Variants in SLC9A2 observed in about 807,000 individuals in gnomAD.
SLC9A2 encodes sodium/hydrogen exchanger 2.
SLC9A2 carries 42 observed loss-of-function variants against 71.7 expected under a neutral mutation model. The ratio of observed to expected loss-of-function variants is 0.59; its 90% CI spans 0.46 to 0.76. SLC9A2 has a LOEUF of 0.76. SLC9A2 is among the 30% of genes least tolerant of loss of function. The pLI is 0.00. For synonymous variants in SLC9A2, 396 were observed against 392.5 expected, an observed-to-expected ratio of 1.01 and a Z score of -0.10; for missense variants, 829 against 1,017.4, an observed-to-expected ratio of 0.81 and a Z score of 2.52.
chr2:102,678,459 A>G (rs774078623), intron 3 of SLC9A2, among the ~76,000 whole-genome samples: 4 of 152,210 alleles, frequency 2.6e-5, no homozygotes, highest in African/African-American at 4.8e-5. Context: ...GAAGCTTTAG[A>G]ATTAAGAAAC....
intron 3 of SLC9A2, among the ~76,000 whole-genome samples, chr2:102,675,675 C>T (rs1001860413): frequency 3.9e-5 from 6 of 152,052 alleles, no homozygotes; most frequent in African/African-American, 1.4e-4. Flanking sequence ...GGCAAGAGAA[C>T]ACAGAGACCT....
intron 5 of SLC9A2, among the ~76,000 whole-genome samples, chr2:102,688,468 G>A (rs546587386): frequency 1.4e-4 from 22 of 152,312 alleles, no homozygotes; most frequent in South Asian, 1.2e-3. Flanking sequence ...AGTGGCTCAC[G>A]CCTGTAATTC....
In SLC9A2 at chr2:102,708,714, C is replaced by G. The variant is rs1035260621; in HGVS notation, c.*225C>G. The G allele has an allele frequency of 2.1e-6, 1 of 479,898 alleles. No individual in the cohort carries two copies. Among genetic ancestry groups the G allele is most frequent in the Non-Finnish European group, 3.6e-6 (1 of 276,182 alleles). 29.7% of individuals were successfully genotyped at this position (479,898 alleles called of 1,614,324 possible). On this transcript the variant is annotated 3_prime_UTR_variant, in exon 12 of 12. Transcript: ENST00000233969. ...CCTTTTGTGACTAATGGGTAGCAATCGTATTATTTGCTGGCCTGAAGAGAA... is the reference window on the plus strand; with the variant it reads ...CCTTTTGTGACTAATGGGTAGCAATGGTATTATTTGCTGGCCTGAAGAGAA...
At chr2:102,682,973 G>A (rs917594681) in intron 3 of SLC9A2, among the ~76,000 whole-genome samples, 1 of 152,174 alleles carries the variant, frequency 6.6e-6, no homozygotes. Flanking sequence ...GAGAGCTGAT[G>A]GTGTCGACGT....
chr2:102,639,082 G>A (rs1676524074), intron 1 of SLC9A2, among the ~76,000 whole-genome samples: 1 of 152,216 alleles, frequency 6.6e-6, no homozygotes, highest in African/African-American at 2.4e-5. Context: ...TACTCAGGAG[G>A]CTGAGGTGAG....
intron 1 of SLC9A2, among the ~76,000 whole-genome samples, chr2:102,630,918 T>C (rs1676343397): frequency 2.0e-5 from 3 of 152,214 alleles, no homozygotes; most frequent in Middle Eastern, 3.4e-3. Flanking sequence ...CTAATTCTTA[T>C]ATTTATCCAT....
At chr2:102,673,126 CAACTTGTCACCTGTGTCTT>C (rs1320202110) in intron 3 of SLC9A2, among the ~76,000 whole-genome samples, 1 of 152,102 alleles carries the variant, frequency 6.6e-6, no homozygotes, top group Non-Finnish European at 1.5e-5. Context: ...AGTCTTCCCT[CAACTTGTCACCTGTGTCTT>C]AGTGTCTTCT....
At chr2:102,693,256 C>A (rs951014150) in intron 5 of SLC9A2, among the ~76,000 whole-genome samples, 4 of 152,088 alleles carry the variant, frequency 2.6e-5, no homozygotes, top group Non-Finnish European at 5.9e-5. Flanking sequence ...AAAACTCAAT[C>A]ATCCAGGAGC....
intron 1 of SLC9A2, among the ~76,000 whole-genome samples, chr2:102,650,645 C>T (rs1435017339): frequency 2.6e-5 from 4 of 152,106 alleles, no homozygotes; most frequent in African/African-American, 9.7e-5. Flanking sequence ...TTTCTGATAA[C>T]ACTGGTTAAA....
intron 3 of SLC9A2, among the ~76,000 whole-genome samples, chr2:102,680,409 T>C (rs1677431048): frequency 1.3e-5 from 2 of 152,108 alleles, no homozygotes; most frequent in South Asian, 4.1e-4. Flanking sequence ...GATTTATATC[T>C]GGGGGAGTGC....
intron 3 of SLC9A2, among the ~76,000 whole-genome samples, chr2:102,670,849 C>CTTTTTTT (rs10687841): frequency 3.6e-4 from 27 of 75,882 alleles, no homozygotes; most frequent in East Asian, 1.0e-3. Context: ...GGAAGGCATG[C>CTTTTTTT]TTTTTTTTTT....
intron 1 of SLC9A2, among the ~76,000 whole-genome samples, chr2:102,636,208 C>A (rs184387549): frequency 6.6e-6 from 1 of 152,264 alleles, no homozygotes; most frequent in South Asian, 2.1e-4. Context: ...AGACAAAGAC[C>A]ACCAACTTGG....
intron 8 of SLC9A2, 144 bp from the exon 9 acceptor site, chr2:102,702,262 G>C (rs1677886452): frequency 1.8e-6 from 1 of 541,514 alleles, no homozygotes; most frequent in Non-Finnish European, 3.3e-6. Flanking sequence ...ACAGAATTTG[G>C]AATTATTTTA....
rs1047182680 is a variant in SLC9A2, at chr2:102,705,919, G to C, written c.2051G>C (p.Arg684Thr). 3.8e-6 allele frequency: 6 copies of C among 1,599,462 alleles called. No homozygotes were observed. The highest frequency in any genetic ancestry group is 5.1e-6 in the Non-Finnish European group (6 of 1,171,254). Residue 684 changes from arginine to threonine, a missense_variant, in exon 11 of 12, where the codon AGG becomes ACG. Arg to Thr is a moderately conservative substitution (Grantham distance 71). Around this residue, in one of 3 missense-constraint regions of SLC9A2, gnomAD observed 223 missense variants for 197.5 expected, o/e 1.13. Transcript: ENST00000233969. Reference sequence around the variant, plus strand: ...CTTCCAGAAAAGCTACAAAAGAGGAGGACTATTTCTATTGCAGGTAGTGAA... The same window carrying C: ...CTTCCAGAAAAGCTACAAAAGAGGACGACTATTTCTATTGCAGGTAGTGAA... Reference protein sequence around the residue: ...TKLPEKLQKRRTISIADGNSS... With the variant: ...TKLPEKLQKRTTISIADGNSS...
intron 7 of SLC9A2, among the ~76,000 whole-genome samples, chr2:102,695,829 A>AG (rs1677758046): frequency 6.3e-5 from 8 of 126,146 alleles, no homozygotes; most frequent in Admixed American, 1.8e-4. Context: ...ATATATAAAA[A>AG]GCTAAAATTA....
chr2:102,686,853 AG>A (rs1477957809), intron 5 of SLC9A2: 1 of 152,332 alleles, frequency 6.6e-6, no homozygotes, highest in African/African-American at 2.4e-5. Context: ...GAGTATAAAG[AG>A]GACAGGAGGA....
At chr2:102,670,870 T>TTTG (rs1553426876) in intron 3 of SLC9A2, among the ~76,000 whole-genome samples, 1 of 139,078 alleles carries the variant, frequency 7.2e-6, no homozygotes, top group Non-Finnish European at 1.5e-5. Flanking sequence ...TTTTTTTTTT[T>TTTG]GCCTATCCTA....
Position 102,704,647 on chromosome 2 carries a change from A to G in SLC9A2, c.1949A>G (p.Lys650Arg). ...CACAGTTTGCGAGAAAGCATTAGGAAGGACAGCAGCTTGAATCGAGAACAC... is the reference window on the plus strand; with the variant it reads ...CACAGTTTGCGAGAAAGCATTAGGAGGGACAGCAGCTTGAATCGAGAACAC... ...RRHSLRESIR[K>R]DSSLNREHRA... The change falls in exon 10 of 12, where the codon AAG becomes AGG. Residue 650 changes from lysine to arginine, a missense_variant. Transcript: ENST00000233969. The G allele has an allele frequency of 6.2e-7, 1 of 1,613,138 alleles. No homozygotes were observed. The highest frequency in any genetic ancestry group is 8.5e-7 in the Non-Finnish European group (1 of 1,179,348).
intron 1 of SLC9A2, among the ~76,000 whole-genome samples, chr2:102,648,049 T>G (rs190853461): frequency 1.3e-4 from 20 of 152,230 alleles, no homozygotes; most frequent in African/African-American, 4.6e-4. Flanking sequence ...AAAAAGAAAA[T>G]TTCAGGTCAA....
Sources: allele counts gnomAD v4.1 joint callset (sites outside exome capture counted in the v4.1 genomes callset), GRCh38; gene constraint gnomAD v4.1.1; regional missense constraint gnomAD v4.1.1; transcripts MANE v1.5; gene names NCBI Gene and HGNC (gene_info 2026-07-23, HGNC 2026-07-21).